GNL2: variants seen among roughly 807,000 people sequenced by gnomAD.
GNL2 encodes nucleolar GTP-binding protein 2.
Under a neutral mutation model 92.3 loss-of-function variants are expected in GNL2, and 51 were observed. The observed-to-expected ratio is 0.55, with a 90% CI of 0.44 to 0.70. The LOEUF (loss-of-function observed/expected upper bound fraction) is 0.70, where lower values mean the gene tolerates loss of function less well. GNL2 is among the 30% of genes least tolerant of loss of function. The probability of loss-of-function intolerance (pLI) is 0.00; values close to 1 mark genes in which losing one functional copy is unlikely to be tolerated. For synonymous variants in GNL2, 283 were observed against 300.6 expected, an observed-to-expected ratio of 0.94 and a Z score of 0.61; for missense variants, 844 against 895.6, an observed-to-expected ratio of 0.94 and a Z score of 0.74.
intron 5 of GNL2, among the ~76,000 whole-genome samples, chr1:37,586,196 A>G (rs926290494): frequency 5.9e-5 from 9 of 152,196 alleles, no homozygotes; most frequent in Non-Finnish European, 1.5e-5. Flanking sequence ...TAATAATCAC[A>G]GCTTACTGCA....
In GNL2 at chr1:37,568,899, T is replaced by C; in HGVS notation, c.1820A>G (p.Tyr607Cys). ...TTTGGCTTTGTCTAGAAACTTCTGATATTTGGCAATCTTCTCATCCAGTGC... is the reference window on the plus strand; with the variant it reads ...TTTGGCTTTGTCTAGAAACTTCTGACATTTGGCAATCTTCTCATCCAGTGC... The part of the protein sequence containing the change: ...IKALDEKIAK[Y>C]QKFLDKAKAK... Residue 607 changes from tyrosine to cysteine, a missense_variant, in exon 13 of 16, where the codon TAT becomes TGT. Physicochemically the swap from Tyr to Cys is radical, Grantham distance 194 (BLOSUM62 -2). Transcript: ENST00000373062. The C allele has an allele frequency of 6.2e-7, 1 of 1,614,216 alleles. No individual in the cohort carries two copies. The highest frequency in any genetic ancestry group is 8.5e-7 in the Non-Finnish European group (1 of 1,180,026).
At chr1:37,572,872 T>C (rs1489297981) in intron 12 of GNL2, among the ~76,000 whole-genome samples, 1 of 152,146 alleles carries the variant, frequency 6.6e-6, no homozygotes, top group African/African-American at 2.4e-5. Context: ...CGGGAGTTAG[T>C]GTCACAACTG....
chr1:37,568,951 CCA>C lies in GNL2; in HGVS notation c.1766_1767del (p.Val589GlyfsTer9), dbSNP rs1272057787. 6.8e-6 allele frequency: 11 copies of C among 1,613,886 alleles called. No individual in the cohort carries two copies. In the African/African-American group the frequency reaches 1.5e-4, roughly 22 times the overall value. ...TTAATAACGGCTTTGGTGTCGTTTC[CCA>C]CATTTTCCTCCTCAGGCTCCGAGGA... ...ESSSEPEEENVGNDTKAVIKA... is the reference protein window; with the variant it reads ...ESSSEPEEENXGNDTKAVIKA... On this transcript the variant is annotated frameshift_variant, in exon 13 of 16. Coordinates refer to ENST00000373062, the MANE Select transcript of GNL2 (RefSeq NM_013285.3). LOFTEE classifies it high-confidence loss of function.
At chr1:37,568,763 C>T in intron 13 of GNL2, 88 bp downstream of exon 13, 2 of 881,014 alleles carry the variant, frequency 2.3e-6, no homozygotes, top group South Asian at 1.6e-5. Context: ...TGGCAATAAC[C>T]CCATGTAAAA....
At chr1:37,572,648 C>T (rs1643612559) in intron 12 of GNL2, among the ~76,000 whole-genome samples, 2 of 152,206 alleles carry the variant, frequency 1.3e-5, no homozygotes, top group Admixed American at 1.3e-4. Flanking sequence ...TTACCCTGTG[C>T]ACCTCTTCCA....
At chr1:37,586,088 A>G (rs1257754267) in intron 5 of GNL2, among the ~76,000 whole-genome samples, 1 of 152,220 alleles carries the variant, frequency 6.6e-6, no homozygotes, top group East Asian at 1.9e-4. Context: ...ACACAGTATA[A>G]ATGTCCAACA....
chr1:37,574,933 C>A, intron 10 of GNL2, 110 bp from the exon 11 acceptor site: 1 of 756,270 alleles, frequency 1.3e-6, no homozygotes, highest in Non-Finnish European at 2.2e-6. Context: ...TCACAAAGCT[C>A]GTGGAGATTG....
chr1:37,567,994 G>A, intron 14 of GNL2: 6 of 592,154 alleles, frequency 1.0e-5, no homozygotes, highest in Middle Eastern at 4.5e-4. Flanking sequence ...ATAAATGCAG[G>A]AAACACACCC....
intron 5 of GNL2, among the ~76,000 whole-genome samples, chr1:37,584,866 G>A (rs918790716): frequency 1.3e-5 from 2 of 151,718 alleles, no homozygotes; most frequent in African/African-American, 4.8e-5. Context: ...TGGATCATAA[G>A]GCCAGGAGTT....
intron 12 of GNL2, chr1:37,569,507 A>G: frequency 1.8e-6 from 1 of 544,186 alleles, no homozygotes; most frequent in South Asian, 2.4e-5. Context: ...AAAGGAATAC[A>G]TGTGTAGTTC....
At chr1:37,576,130 T>G (rs914040114) in intron 9 of GNL2, 2 of 339,434 alleles carry the variant, frequency 5.9e-6, no homozygotes, top group Non-Finnish European at 5.4e-6. Flanking sequence ...GCATCAAATA[T>G]TCTTGGGTTA....
chr1:37,592,210 C>T (rs1349748258), intron 3 of GNL2, among the ~76,000 whole-genome samples: 1 of 152,108 alleles, frequency 6.6e-6, no homozygotes, highest in Non-Finnish European at 1.5e-5. Context: ...GGGAGTTTTC[C>T]AAGGAAGAAG....
rs2148147689 is a variant in GNL2 at position 37,595,913 on chromosome 1, C to T, written c.-91G>A. ...CCCAAGCCCGGCCGAAGACACCCGC[C>T]TGAACCACGCCGGACCACGTGTGCA... On this transcript the variant is annotated 5_prime_UTR_variant, in exon 1 of 16. Coordinates refer to ENST00000373062, the MANE Select transcript of GNL2 (RefSeq NM_013285.3). The T allele has an allele frequency of 2.8e-6, 3 of 1,054,130 alleles. No homozygotes were observed. The highest frequency in any genetic ancestry group is 2.0e-4 in the Middle Eastern group (1 of 4,988). 65.3% of individuals were successfully genotyped at this position (1,054,130 alleles called of 1,614,324 possible).
intron 4 of GNL2, among the ~76,000 whole-genome samples, chr1:37,590,350 C>T (rs954825325): frequency 3.3e-5 from 5 of 152,180 alleles, no homozygotes; most frequent in South Asian, 4.1e-4. Context: ...TCAGGTGATC[C>T]GCCTGCCTGA....
rs1247192620 is a variant in GNL2, at chr1:37,595,867, G to A, written c.-45C>T. 1.9e-6 allele frequency: 3 copies of A among 1,556,672 alleles called. No individual in the cohort carries two copies. Among genetic ancestry groups the A allele is most frequent in the East Asian group, 4.5e-5 (2 of 44,592 alleles). On this transcript the variant is annotated 5_prime_UTR_variant, in exon 1 of 16. Coordinates refer to ENST00000373062, the MANE Select transcript of GNL2 (RefSeq NM_013285.3). The stretch of plus-strand genomic sequence containing the variant: ...CCGGAGTGCGAGGTCCGGCTTACGT[G>A]GTGAAACAAACTTTTATGTTCCCAA...
In GNL2 at chr1:37,574,444, C is replaced by G; in HGVS notation, c.1315G>C (p.Asp439His). ...TGKLLKGGEP[D>H]LQTVGKMVLN... is the part of the protein sequence containing the mutation. ...ACCATCTTACCCACAGTCTGCAAGT[C>G]GGGCTCTCCACCCTGAAAGGTCACA... Residue 439 changes from aspartate (D) to histidine (H), a missense_variant, in exon 12 of 16, where the codon GAC becomes CAC. Coordinates refer to ENST00000373062, the MANE Select transcript of GNL2 (RefSeq NM_013285.3). 1.2e-6 allele frequency: 2 copies of G among 1,613,630 alleles called. No homozygotes were observed. Among genetic ancestry groups the G allele is most frequent in the Non-Finnish European group, 1.7e-6 (2 of 1,179,614 alleles).
intron 8 of GNL2, among the ~76,000 whole-genome samples, chr1:37,580,823 G>A (rs775900427): frequency 6.6e-6 from 1 of 152,194 alleles, no homozygotes; most frequent in Non-Finnish European, 1.5e-5. Flanking sequence ...TAAAAGCTTC[G>A]ATCAGAAAGG....
Position 37,575,676 on chromosome 1 carries a change from C to T in GNL2, c.1062G>A (p.Met354Ile). ...GACAGTCAATCAGGAATATCCGACG[C>T]ATCAAAGTAATATACTGCCAGACCT... ...ETKVWQYITL[M>I]RRIFLIDCPG... Residue 354 changes from methionine (M) to isoleucine (I), a missense_variant, in exon 10 of 16, where the codon ATG becomes ATA. By Grantham distance (10) the Met-to-Ile change is conservative. Coordinates refer to ENST00000373062, the MANE Select transcript of GNL2 (RefSeq NM_013285.3). This position sits in a 1 kb window ranked among gnomAD's most constrained non-coding sequence, Gnocchi z 4.1. 1 of 1,602,764 alleles carries T rather than the reference C, an allele frequency of 6.2e-7. No individual in the cohort carries two copies.
rs1643679608 is a variant in GNL2, at chr1:37,576,492, G to C, written c.974C>G (p.Ser325Cys). The change falls in exon 9 of 16, where the codon TCT (serine) becomes TGT (cysteine). Residue 325 changes from serine (S) to cysteine (C), a missense_variant. Physicochemically the swap from Ser to Cys is moderately radical, Grantham distance 112. Coordinates refer to ENST00000373062, the MANE Select transcript of GNL2 (RefSeq NM_013285.3). The stretch of plus-strand genomic sequence containing the variant: ...CTTAGAACGCAATGTATTTATCACA[G>C]AGCTCTTGCCAACATTTGGATAGCC... ...FIGYPNVGKS[S>C]VINTLRSKKV... The C allele has an allele frequency of 1.2e-6, 2 of 1,613,876 alleles. No homozygotes were observed. Among genetic ancestry groups the C allele is most frequent in the African/African-American group, 2.7e-5 (2 of 74,922 alleles).
Sources: gnomAD v4.1 joint callset for allele counts (sites outside exome capture counted in the v4.1 genomes callset) on GRCh38, gnomAD v4.1.1 for gene constraint, Gnocchi (gnomAD v3.1) non-coding constraint, MANE v1.5 for transcripts, NCBI Gene and HGNC (gene_info 2026-07-23, HGNC 2026-07-21) for gene names.